The following NEK4 variants were observed in gnomAD, a reference collection of about 807,000 sequenced individuals.
NEK4 encodes serine/threonine-protein kinase Nek4.
A neutral mutation model predicts 98.4 loss-of-function variants in NEK4; 86 were observed. The observed-to-expected ratio is 0.87, with a 90% CI of 0.73 to 1.05. The LOEUF is 1.05. Among genes scored for constraint, NEK4 ranks in the 50% least tolerant of loss-of-function variants. The pLI, the probability that NEK4 is intolerant of heterozygous loss-of-function variation, is 0.00. For missense variants in NEK4, 898 were observed against 950.3 expected (o/e 0.94, Z 0.72); for synonymous variants, 328 against 342.2 (o/e 0.96, Z 0.46).
chr3:52,755,722 C>T (rs1023087710), intron 6 of NEK4, among the ~76,000 whole-genome samples: 5 of 151,942 alleles, frequency 3.3e-5, no homozygotes, highest in Non-Finnish European at 4.4e-5. Context: ...AAATAAAAGG[C>T]ATCAAAATTA....
chr3:52,716,498 G>C (rs1017938120), intron 15 of NEK4, among the ~76,000 whole-genome samples: 1 of 152,166 alleles, frequency 6.6e-6, no homozygotes, highest in Non-Finnish European at 1.5e-5. Context: ...TAACCAATCA[G>C]CTTATTTTTC....
chr3:52,717,426 T>G (rs2097356131), intron 15 of NEK4, among the ~76,000 whole-genome samples: 1 of 149,588 alleles, frequency 6.7e-6, no homozygotes, highest in African/African-American at 2.5e-5. Flanking sequence ...AAAAAAAAAT[T>G]ATGGGGCCCC....
chr3:52,743,427 T>C lies in NEK4; in HGVS notation c.1929A>G (p.Ala643=). The part of the protein sequence containing the change: ...PSVRKASLSV[A]GPGKPQEEDQ... ...CTTCTTCCTGGGGTTTTCCTGGCCC[T>C]GCTACACTCAGAGACGCTTTCCTCA... The change falls in exon 12 of 16, where the codon GCA becomes GCG. Residue 643 remains alanine (A), a synonymous_variant. Transcript: ENST00000233027. 4 of 1,614,134 alleles carry C rather than the reference T, an allele frequency of 2.5e-6. No individual in the cohort carries two copies. Among genetic ancestry groups the C allele is most frequent in the Non-Finnish European group, 3.4e-6 (4 of 1,180,024 alleles).
chr3:52,760,836 G>C lies in NEK4; in HGVS notation c.922C>G (p.Pro308Ala), dbSNP rs1698328322. The change falls in exon 6 of 16, where the codon CCC (proline) becomes GCC (alanine). Residue 308 changes from proline to alanine, a missense_variant. Physicochemically the swap from Pro to Ala is conservative, Grantham distance 27. Coordinates refer to ENST00000233027, the MANE Select transcript of NEK4 (RefSeq NM_003157.6). Reference sequence around the variant, plus strand: ...GAGCCCTCAGAAGAGAGTGGTTGGGGGTGGATTACTTCATGATTTGATTCT... The same window carrying C: ...GAGCCCTCAGAAGAGAGTGGTTGGGCGTGGATTACTTCATGATTTGATTCT... ...EAESNHEVIHPQPLSSEGSQT... is the reference protein window; with the variant it reads ...EAESNHEVIHAQPLSSEGSQT... 6.2e-7 allele frequency: 1 copy of C among 1,610,308 alleles called. No individual in the cohort carries two copies. Among genetic ancestry groups the C allele is most frequent in the Non-Finnish European group, 8.5e-7 (1 of 1,177,030 alleles).
At chr3:52,751,792 T>C (rs766595267) in intron 7 of NEK4, 140 bp downstream of exon 7, 12 of 849,200 alleles carry the variant, frequency 1.4e-5, no homozygotes, top group East Asian at 2.5e-5. Context: ...TCTTTTTGGT[T>C]TGATGCAAAT....
intron 8 of NEK4, among the ~76,000 whole-genome samples, chr3:52,747,912 T>C (rs1210833198): frequency 1.3e-5 from 2 of 151,960 alleles, no homozygotes; most frequent in Non-Finnish European, 2.9e-5. Flanking sequence ...GCCACTGTCC[T>C]CTAGCCTGGG....
intron 15 of NEK4, among the ~76,000 whole-genome samples, chr3:52,736,587 T>TAAAA (rs546567809): frequency 8.4e-6 from 1 of 119,164 alleles, no homozygotes. Flanking sequence ...CTCCGTCTCA[T>TAAAA]AAAAAAAAAA....
At chr3:52,739,030 C>CA (rs561070968) in intron 14 of NEK4, among the ~76,000 whole-genome samples, 408 of 152,206 alleles carry the variant, frequency 2.7e-3, no homozygotes, top group African/African-American at 8.7e-3. Flanking sequence ...TTTAAAAACA[C>CA]AAAAAAATTT....
chr3:52,760,729 T>C, intron 6 of NEK4, 66 bp downstream of exon 6: 2 of 1,044,060 alleles, frequency 1.9e-6, no homozygotes, highest in South Asian at 1.4e-5. Context: ...ACAAAATAAT[T>C]TGCTTAGATG....
At chr3:52,712,525 T>A (rs4687644) in intron 15 of NEK4, among the ~76,000 whole-genome samples, 1 of 152,016 alleles carries the variant, frequency 6.6e-6, no homozygotes, top group East Asian at 1.9e-4. Flanking sequence ...TTGCCCTATC[T>A]CAAGGACAGA....
chr3:52,719,150 TAA>T (rs1270658883), intron 15 of NEK4, among the ~76,000 whole-genome samples: 1 of 152,188 alleles, frequency 6.6e-6, no homozygotes, highest in Non-Finnish European at 1.5e-5. Context: ...AGCTTTGGAA[TAA>T]AAAGTCACTT....
intron 11 of NEK4, 75 bp from the exon 12 acceptor site, chr3:52,743,536 G>T: frequency 9.0e-7 from 1 of 1,112,836 alleles, no homozygotes; most frequent in Non-Finnish European, 1.4e-6. Flanking sequence ...ATTTGGTATG[G>T]AACATACCCC....
intron 11 of NEK4, among the ~76,000 whole-genome samples, chr3:52,743,877 C>T (rs898207684): frequency 6.6e-6 from 1 of 152,184 alleles, no homozygotes; most frequent in African/African-American, 2.4e-5. Context: ...GCACCACTCC[C>T]CAAGCAACCT....
chr3:52,746,036 A>C (rs375398297), intron 10 of NEK4, 25 bp downstream of exon 10: 53 of 1,608,546 alleles, frequency 3.3e-5, no homozygotes, highest in Non-Finnish European at 4.2e-5. Flanking sequence ...AGGTTTTTAA[A>C]AATCCAGCAT....
At position 52,709,837 on chromosome 3, in the gene NEK4, C is replaced by T. The variant is rs956176522; in HGVS notation, c.*1940G>A. The stretch of plus-strand genomic sequence containing the variant: ...ACGATGTGGATTTCCAAAACATGCA[C>T]GGAAAGGTGAATAGCTCAAGGATAC... On this transcript the variant is annotated 3_prime_UTR_variant, in exon 16 of 16. Transcript: ENST00000233027. 1 of 151,758 alleles carries T rather than the reference C, an allele frequency of 6.6e-6. No homozygotes were observed. Among genetic ancestry groups the T allele is most frequent in the East Asian group, 1.9e-4 (1 of 5,182 alleles). 9.4% of individuals were successfully genotyped at this position (151,758 alleles called of 1,614,324 possible). A position where few individuals can be genotyped will look rare whatever the true frequency, so the allele number is the denominator to read the frequency against.
At chr3:52,715,260 C>T (rs1332605158) in intron 15 of NEK4, among the ~76,000 whole-genome samples, 2 of 152,218 alleles carry the variant, frequency 1.3e-5, no homozygotes, top group Non-Finnish European at 2.9e-5. Context: ...GACAATGGGA[C>T]GGCCAGCTGC....
chr3:52,720,283 C>T (rs149432063), intron 15 of NEK4, among the ~76,000 whole-genome samples: 32 of 151,930 alleles, frequency 2.1e-4, no homozygotes, highest in African/African-American at 7.2e-4. Context: ...GCTGAGATCG[C>T]ACCACTGCAC....
At chr3:52,768,255 C>A in intron 2 of NEK4, 83 bp downstream of exon 2, 1 of 1,298,584 alleles carries the variant, frequency 7.7e-7, no homozygotes, top group Non-Finnish European at 1.1e-6. Context: ...ATGTAAGTAT[C>A]TGAAGAAAAA....
At chr3:52,763,408 C>T in intron 5 of NEK4, 62 bp downstream of exon 5, 1 of 1,461,812 alleles carries the variant, frequency 6.8e-7, no homozygotes, top group Non-Finnish European at 9.3e-7. Flanking sequence ...ATGAATATTA[C>T]AGAAGCCACC....
Sources: allele counts gnomAD v4.1 joint callset (sites outside exome capture counted in the v4.1 genomes callset), GRCh38; gene constraint gnomAD v4.1.1; transcripts MANE v1.5; gene names NCBI Gene and HGNC (gene_info 2026-07-23, HGNC 2026-07-21).